Variants in TTLL11 observed in about 807,000 individuals in gnomAD.
TTLL11 encodes tubulin polyglutamylase TTLL11.
A neutral mutation model predicts 51.7 loss-of-function variants in TTLL11; 42 were observed. The ratio of observed to expected loss-of-function variants is 0.81; its 90% confidence interval spans 0.64 to 1.05. The LOEUF (loss-of-function observed/expected upper bound fraction) is 1.05. TTLL11 is among the 50% of genes least tolerant of loss of function. TTLL11 has a pLI of 0.00. For synonymous variants in TTLL11, 381 were observed against 383.5 expected, an observed-to-expected ratio of 0.99 and a Z score of 0.08; for missense variants, 799 against 940.4, an observed-to-expected ratio of 0.85 and a Z score of 1.97.
rs377448171 is a variant in TTLL11, at chr9:122,048,736, G to A, written c.463-9368C>T. Among the ~76,000 whole-genome samples, 5 of 152,028 alleles carry A rather than the reference G, an allele frequency of 3.3e-5. No individual in the cohort carries two copies. In the East Asian group the frequency reaches 5.8e-4, roughly 18 times the overall value. ...TGGGTTTCTTCATGTCATTCCTTCC[G>A]CCTGGGATCTTCTGACTGGGCTTGC... On this transcript the variant is annotated intron_variant, in intron 1 of 8. Coordinates refer to ENST00000321582, the MANE Select transcript of TTLL11 (RefSeq NM_001139442.2).
chr9:122,063,013 T>G (rs1003236812), intron 1 of TTLL11, among the ~76,000 whole-genome samples: 7 of 152,146 alleles, frequency 4.6e-5, no homozygotes, highest in Admixed American at 4.6e-4. Context: ...ACTCCTGGGC[T>G]CAAGAGATCC....
chr9:121,973,565 G>A (rs950947263), intron 6 of TTLL11, among the ~76,000 whole-genome samples: 4 of 151,982 alleles, frequency 2.6e-5, no homozygotes, highest in East Asian at 3.9e-4. Context: ...GACACAGGAA[G>A]GGGAACATCA....
At chr9:121,964,150 C>A (rs927288474) in intron 6 of TTLL11, among the ~76,000 whole-genome samples, 1 of 151,696 alleles carries the variant, frequency 6.6e-6, no homozygotes, top group Middle Eastern at 3.4e-3. Flanking sequence ...CATGGACCCC[C>A]GACCCTGAAA....
chr9:121,948,335 G>C (rs148831664), intron 6 of TTLL11, among the ~76,000 whole-genome samples: 1 of 152,278 alleles, frequency 6.6e-6, no homozygotes, highest in East Asian at 1.9e-4. Flanking sequence ...TCTAGTCTTC[G>C]GGTATTCAGT....
chr9:121,931,202 G>A lies in TTLL11; in HGVS notation c.1481+42807C>T, dbSNP rs530557450. 3.9e-5 allele frequency among the ~76,000 whole-genome samples: 6 copies of A among 152,316 alleles called. No homozygotes were observed. In the East Asian group the frequency reaches 9.7e-4, roughly 25 times the overall value. ...GCACCTGTCCCATTTGTCAAACACC[G>A]AAGCGCTGGGTAATGATCTAACGTG... On this transcript the variant is annotated intron_variant, in intron 6 of 8. Coordinates refer to ENST00000321582, the MANE Select transcript of TTLL11 (RefSeq NM_001139442.2).
intron 4 of TTLL11, among the ~76,000 whole-genome samples, chr9:121,982,353 T>G (rs1043764478): frequency 2.0e-5 from 3 of 152,132 alleles, no homozygotes; most frequent in Non-Finnish European, 4.4e-5. Context: ...TTATTGTTAC[T>G]CCCTCATCAC....
intron 6 of TTLL11, among the ~76,000 whole-genome samples, chr9:121,946,251 G>A (rs1374408150): frequency 4.6e-5 from 7 of 152,314 alleles, no homozygotes; most frequent in East Asian, 3.9e-4. Flanking sequence ...ATCAAAAAGC[G>A]TGGCATGCTT....
At chr9:121,922,355 C>T (rs1183281244) in intron 6 of TTLL11, among the ~76,000 whole-genome samples, 1 of 152,148 alleles carries the variant, frequency 6.6e-6, no homozygotes, top group Non-Finnish European at 1.5e-5. Flanking sequence ...AAGTCATCAC[C>T]TCAGGTGTCA....
intron 1 of TTLL11, among the ~76,000 whole-genome samples, chr9:122,056,061 G>A (rs991710062): frequency 6.6e-6 from 1 of 152,210 alleles, no homozygotes. Context: ...ATCTGCAAGG[G>A]GCTGCTCTTC....
chr9:122,039,003 T>TC (rs1368330842), intron 2 of TTLL11, among the ~76,000 whole-genome samples: 1 of 152,192 alleles, frequency 6.6e-6, no homozygotes, highest in Non-Finnish European at 1.5e-5. Flanking sequence ...CAGAATATAT[T>TC]CCTCTCATTA....
intron 3 of TTLL11, among the ~76,000 whole-genome samples, chr9:122,023,985 C>A (rs11506794): frequency 1.3e-5 from 2 of 151,832 alleles, no homozygotes; most frequent in African/African-American, 4.8e-5. Flanking sequence ...AAGAAATAAA[C>A]GGCTAATTAC....
intron 1 of TTLL11, among the ~76,000 whole-genome samples, chr9:122,087,884 T>C (rs558545954): frequency 1.3e-5 from 2 of 152,226 alleles, no homozygotes; most frequent in Non-Finnish European, 2.9e-5. Context: ...TCTGTAAACA[T>C]GATTTTGCTA....
intron 6 of TTLL11, among the ~76,000 whole-genome samples, chr9:121,940,238 G>C (rs3793614): frequency 6.6e-6 from 1 of 152,044 alleles, no homozygotes; most frequent in Non-Finnish European, 1.5e-5. Context: ...TCTAAATTAG[G>C]TGAAATTATG....
chr9:122,057,559 T>G (rs978140307), intron 1 of TTLL11, among the ~76,000 whole-genome samples: 2 of 152,104 alleles, frequency 1.3e-5, no homozygotes, highest in Admixed American at 6.5e-5. Flanking sequence ...ACTCCTGGCC[T>G]CAAGTGATCC....
intron 1 of TTLL11, among the ~76,000 whole-genome samples, chr9:122,074,854 G>A (rs544091570): frequency 6.6e-5 from 10 of 151,268 alleles, no homozygotes; most frequent in Non-Finnish European, 1.2e-4. Context: ...CTGCCCTCCA[G>A]CCTGGGCAAG....
chr9:122,025,805 G>T (rs1253956043), intron 3 of TTLL11, among the ~76,000 whole-genome samples: 1 of 152,114 alleles, frequency 6.6e-6, no homozygotes, highest in Non-Finnish European at 1.5e-5. Flanking sequence ...ATTCACCCAG[G>T]AAGAATGAAA....
intron 4 of TTLL11, among the ~76,000 whole-genome samples, chr9:121,978,096 C>T (rs1842754889): frequency 6.6e-6 from 1 of 152,176 alleles, no homozygotes; most frequent in Non-Finnish European, 1.5e-5. Flanking sequence ...AAAGATAATG[C>T]AATATAACAT....
chr9:121,935,120 A>AT lies in TTLL11; in HGVS notation c.1481+38888dup, dbSNP rs34653983. On this transcript the variant is annotated intron_variant, in intron 6 of 8. Coordinates refer to ENST00000321582, the MANE Select transcript of TTLL11 (RefSeq NM_001139442.2). ...CAGGCATGCACCACCATGCCCGGCT[A>AT]TTTTTTTTTTGTATTTTTAGTAGAG... is the stretch of plus-strand genomic sequence containing the variant. Among the ~76,000 whole-genome samples, 726 of 147,872 alleles carry AT rather than the reference A, an allele frequency of 4.9e-3. 4 individuals are homozygous for AT. Among genetic ancestry groups the AT allele is most frequent in the African/African-American group, 0.016 (636 of 40,318 alleles).
intron 6 of TTLL11, among the ~76,000 whole-genome samples, chr9:121,889,965 A>G (rs997270990): frequency 1.3e-5 from 2 of 152,142 alleles, no homozygotes; most frequent in Non-Finnish European, 2.9e-5. Flanking sequence ...TGTCCTGTGT[A>G]TCTGGCTTAT....
Sources: allele counts gnomAD v4.1 joint callset (sites outside exome capture counted in the v4.1 genomes callset), GRCh38; gene constraint gnomAD v4.1.1; transcripts MANE v1.5; gene names NCBI Gene and HGNC (gene_info 2026-07-23, HGNC 2026-07-21).